The following AFF3 variants were observed in gnomAD, a reference collection of about 807,000 sequenced individuals.
AFF3 encodes the protein AF4/FMR2 family member 3.
AFF3 carries 32 observed loss-of-function variants against 129.7 expected under a neutral mutation model. That is an observed-to-expected ratio of 0.25 (90% CI 0.19 to 0.33). The LOEUF is 0.33. Among genes scored for constraint, AFF3 ranks in the 10% least tolerant of loss-of-function variants. The pLI, the probability that AFF3 is intolerant of heterozygous loss-of-function variation, is 1.00. For synonymous variants in AFF3, 644 were observed against 635.4 expected, an observed-to-expected ratio of 1.01 and a Z score of -0.20; for missense variants, 1,373 against 1,592.0, an observed-to-expected ratio of 0.86 and a Z score of 2.34.
chr2:99,575,342 C>T (rs1676880542), intron 18 of AFF3, among the ~76,000 whole-genome samples: 2 of 151,862 alleles, frequency 1.3e-5, no homozygotes, highest in African/African-American at 4.8e-5. Flanking sequence ...TCACTGCAAC[C>T]TCCGCTTCCT....
intron 8 of AFF3, among the ~76,000 whole-genome samples, chr2:99,817,667 G>A (rs1687347234): frequency 2.0e-5 from 3 of 152,182 alleles, no homozygotes; most frequent in African/African-American, 7.2e-5. Flanking sequence ...GACTACAGGT[G>A]CATGCCACGG....
intron 8 of AFF3, among the ~76,000 whole-genome samples, chr2:99,836,389 A>G (rs758520930): frequency 6.6e-6 from 1 of 152,210 alleles, no homozygotes. Flanking sequence ...TATAAAATAT[A>G]CTATGTATTT....
chr2:100,121,306 G>T (rs952552438), intron 2 of AFF3, among the ~76,000 whole-genome samples: 2 of 152,234 alleles, frequency 1.3e-5, no homozygotes, highest in Non-Finnish European at 2.9e-5. Flanking sequence ...TTGAACATCG[G>T]AGAGAAGTGG....
intron 11 of AFF3, among the ~76,000 whole-genome samples, chr2:99,726,779 A>G (rs144811291): frequency 1.1e-3 from 164 of 152,336 alleles, no homozygotes; most frequent in African/African-American, 3.8e-3. Context: ...AAAGTTCTGC[A>G]ATTCTTAAGA....
At chr2:99,557,509 A>G (rs905455770) in intron 22 of AFF3, among the ~76,000 whole-genome samples, 2 of 152,136 alleles carry the variant, frequency 1.3e-5, no homozygotes, top group South Asian at 2.1e-4. Flanking sequence ...GTATCCCTTA[A>G]AAGTTTGTTG....
At chr2:99,773,212 T>A (rs150645833) in intron 8 of AFF3, among the ~76,000 whole-genome samples, 179 of 152,316 alleles carry the variant, frequency 1.2e-3, no homozygotes, top group African/African-American at 4.2e-3. Context: ...GCCCACTGAT[T>A]GAGACCACAG....
Position 99,554,360 on chromosome 2 carries a change from G to C in AFF3, c.3510C>G (p.His1170Gln). The C allele has an allele frequency of 6.2e-7, 1 of 1,614,198 alleles. No homozygotes were observed. The highest frequency in any genetic ancestry group is 8.5e-7 in the Non-Finnish European group (1 of 1,180,042). Residue 1170 changes from histidine to glutamine, a missense_variant, in exon 24 of 25, where the codon CAC becomes CAG. Around this residue, in one of 9 missense-constraint regions of AFF3, gnomAD observed 165 missense variants for 234.0 expected, o/e 0.71. Coordinates refer to ENST00000672756, the MANE Select transcript of AFF3 (RefSeq NM_001386135.1). ...NHVSITNSIL[H>Q]SYDYWEMADN... is the part of the protein sequence containing the mutation. The stretch of plus-strand genomic sequence containing the variant: ...CGGCCATCTCCCAGTAGTCGTAGCT[G>C]TGCAGGATGCTGTTGGTGATGCTGA...
chr2:99,829,793 G>A (rs1688378409), intron 8 of AFF3, among the ~76,000 whole-genome samples: 1 of 152,112 alleles, frequency 6.6e-6, no homozygotes, highest in Admixed American at 6.5e-5. Flanking sequence ...TATACTCAAA[G>A]GATTATAAAT....
At chr2:99,709,543 G>A (rs1442880382) in intron 11 of AFF3, among the ~76,000 whole-genome samples, 1 of 152,110 alleles carries the variant, frequency 6.6e-6, no homozygotes, top group Non-Finnish European at 1.5e-5. Flanking sequence ...TTTTTCTCTT[G>A]CAGTCAAATG....
intron 7 of AFF3, among the ~76,000 whole-genome samples, chr2:99,943,806 G>T (rs1269909266): frequency 1.3e-5 from 2 of 152,176 alleles, no homozygotes; most frequent in African/African-American, 4.8e-5. Context: ...GATGAGTTTA[G>T]TGGAGTCTCC....
chr2:99,595,648 T>G (rs775039683), intron 14 of AFF3, among the ~76,000 whole-genome samples: 1 of 148,018 alleles, frequency 6.8e-6, no homozygotes, highest in Non-Finnish European at 1.5e-5. Context: ...TTTTCAACAG[T>G]GAGGCCTGTA....
chr2:100,115,756 T>A (rs558415864), intron 2 of AFF3, among the ~76,000 whole-genome samples: 1 of 152,342 alleles, frequency 6.6e-6, no homozygotes, highest in Admixed American at 6.5e-5. Context: ...TGAAGAATTC[T>A]CTGTGTCTTT....
At chr2:99,642,059 C>G (rs993189708) in intron 13 of AFF3, among the ~76,000 whole-genome samples, 1 of 152,104 alleles carries the variant, frequency 6.6e-6, no homozygotes, top group African/African-American at 2.4e-5. Flanking sequence ...TGAAGAAGTA[C>G]AAATGCAAAA....
intron 11 of AFF3, among the ~76,000 whole-genome samples, chr2:99,675,541 C>T (rs1470469649): frequency 6.6e-6 from 1 of 152,240 alleles, no homozygotes; most frequent in Non-Finnish European, 1.5e-5. Context: ...GCAAACGGCG[C>T]TTGTTCTTGT....
At chr2:100,096,243 C>T (rs1690281010) in intron 4 of AFF3, among the ~76,000 whole-genome samples, 1 of 152,012 alleles carries the variant, frequency 6.6e-6, no homozygotes, top group African/African-American at 2.4e-5. Flanking sequence ...GAGCCCGATA[C>T]AACAGAAGGT....
chr2:100,140,570 G>A (rs1692822303), intron 1 of AFF3, among the ~76,000 whole-genome samples: 1 of 152,070 alleles, frequency 6.6e-6, no homozygotes, highest in Non-Finnish European at 1.5e-5. Flanking sequence ...AAGCATAATT[G>A]CAATGGCTCA....
At chr2:100,124,992 C>T (rs1421057533) in intron 2 of AFF3, among the ~76,000 whole-genome samples, 3 of 152,052 alleles carry the variant, frequency 2.0e-5, no homozygotes, top group Non-Finnish European at 4.4e-5. Flanking sequence ...CAGTCAATGA[C>T]AGAATCATAG....
At chr2:100,115,335 G>A (rs1691695794) in intron 2 of AFF3, among the ~76,000 whole-genome samples, 1 of 152,108 alleles carries the variant, frequency 6.6e-6, no homozygotes, top group Non-Finnish European at 1.5e-5. Context: ...ATCACTTTGA[G>A]GCAGGAGTTC....
chr2:99,665,726 G>C (rs1474395664), intron 12 of AFF3, among the ~76,000 whole-genome samples: 2 of 152,238 alleles, frequency 1.3e-5, no homozygotes, highest in African/African-American at 4.8e-5. Flanking sequence ...AGCAGACATG[G>C]AGAAGAAAAG....
Sources: gnomAD v4.1 joint callset for allele counts (sites outside exome capture counted in the v4.1 genomes callset) on GRCh38, gnomAD v4.1.1 for gene constraint, gnomAD v4.1.1 regional missense constraint, MANE v1.5 for transcripts, NCBI Gene and HGNC (gene_info 2026-07-23, HGNC 2026-07-21) for gene names.